Variants in EIF3B observed in about 807,000 individuals in gnomAD.
EIF3B encodes the protein eukaryotic translation initiation factor 3 subunit 9.
A neutral mutation model predicts 104.6 loss-of-function variants in EIF3B; 10 were observed. The observed-to-expected ratio is 0.10, with a 90% CI of 0.06 to 0.16. The LOEUF (loss-of-function observed/expected upper bound fraction) is 0.16, where lower values mean the gene tolerates loss of function less well. EIF3B is among the 10% of genes least tolerant of loss of function. The pLI is 1.00. For missense variants in EIF3B, 1,014 were observed against 1,087.9 expected (o/e 0.93, Z 0.96); for synonymous variants, 542 against 417.2 (o/e 1.30, Z -3.65).
chr7:2,377,189 A>G lies in EIF3B; in HGVS notation c.2154+114A>G, dbSNP rs141172593. 314 of 1,338,264 alleles carry G rather than the reference A, an allele frequency of 2.3e-4. No homozygotes were observed. The East Asian group carries it at 6.2e-3, about 26-fold the overall frequency. The allele number at this position is 1,338,264 out of a possible 1,614,324, so 82.9% of individuals were successfully genotyped here. A position where few individuals can be genotyped will look rare whatever the true frequency, so the allele number is the denominator to read the frequency against. ...GGTGACTGGGGGATAAAAACGTGAC[A>G]TTTGCAAGGATTCTTTGAAGAGACG... On this transcript the variant is annotated intron_variant, in intron 15 of 18. Coordinates refer to ENST00000360876, the MANE Select transcript of EIF3B (RefSeq NM_001037283.2).
intron 1 of EIF3B, among the ~76,000 whole-genome samples, chr7:2,358,227 G>A (rs1281251504): frequency 6.6e-6 from 1 of 152,104 alleles, no homozygotes. Context: ...GGGATTATAA[G>A]CATGTGCCAC....
At chr7:2,362,499 G>A (rs1198884129) in intron 2 of EIF3B, 146 bp from the exon 3 acceptor site, 12 of 935,166 alleles carry the variant, frequency 1.3e-5, no homozygotes, top group Admixed American at 2.5e-5. Context: ...TCTGTCCCCC[G>A]TGTGACTGCC....
At chr7:2,371,745 A>G (rs758244885) in intron 10 of EIF3B, 32 bp from the exon 11 acceptor site, 3 of 1,516,194 alleles carry the variant, frequency 2.0e-6, no homozygotes, top group Non-Finnish European at 2.8e-6. Context: ...CACTGTCCAG[A>G]ATGTCACCCC....
chr7:2,363,414 C>T (rs546276534), intron 4 of EIF3B, among the ~76,000 whole-genome samples: 35 of 150,604 alleles, frequency 2.3e-4, no homozygotes, highest in Non-Finnish European at 4.1e-4. Flanking sequence ...TTGAGGCTGC[C>T]GTGAGCTATG....
intron 16 of EIF3B, 99 bp downstream of exon 16, chr7:2,378,865 T>G: frequency 9.1e-7 from 1 of 1,096,316 alleles, no homozygotes; most frequent in Non-Finnish European, 1.4e-6. Flanking sequence ...CAGAGTTGCC[T>G]CTGCTCCGAA....
chr7:2,369,082 T>G (rs1183724664), intron 9 of EIF3B, among the ~76,000 whole-genome samples: 1 of 152,246 alleles, frequency 6.6e-6, no homozygotes, highest in Non-Finnish European at 1.5e-5. Context: ...TTTCCCCATT[T>G]GCACCTTAAT....
intron 9 of EIF3B, 193 bp downstream of exon 9, chr7:2,367,238 T>C: frequency 1.8e-6 from 1 of 550,448 alleles, no homozygotes; most frequent in Non-Finnish European, 3.2e-6. Flanking sequence ...ACCTCCCTCC[T>C]AGTGGACAGC....
chr7:2,363,508 G>A, intron 4 of EIF3B, 124 bp from the exon 5 acceptor site: 1 of 859,500 alleles, frequency 1.2e-6, no homozygotes, highest in East Asian at 2.7e-5. Flanking sequence ...CTTGACTTGA[G>A]GTTAGGGTGT....
chr7:2,364,562 G>A (rs1321880009), intron 6 of EIF3B, 33 bp downstream of exon 6: 3 of 1,588,768 alleles, frequency 1.9e-6, no homozygotes, highest in Middle Eastern at 1.8e-4. Flanking sequence ...GGGAGTCTAT[G>A]CATTTCACCC....
chr7:2,357,514 G>A (rs1393201600), intron 1 of EIF3B, among the ~76,000 whole-genome samples: 1 of 152,220 alleles, frequency 6.6e-6, no homozygotes, highest in African/African-American at 2.4e-5. Context: ...TGGAGTCCCT[G>A]TCTTGCTTTA....
chr7:2,355,338 A>G lies in EIF3B; in HGVS notation c.417A>G (p.Glu139=). ...ACGAGGGCAGAGCGGCCGAGGCCGAACCCCGGGCGCTGGAGAACGGCGACG... is the reference window on the plus strand; with the variant it reads ...ACGAGGGCAGAGCGGCCGAGGCCGAGCCCCGGGCGCTGGAGAACGGCGACG... ...GGNEGRAAEA[E]PRALENGDAD... The change falls in exon 1 of 19, where the codon GAA becomes GAG. Residue 139 remains glutamate (E), a synonymous_variant. Coordinates refer to ENST00000360876, the MANE Select transcript of EIF3B (RefSeq NM_001037283.2). 1 of 1,540,982 alleles carries G rather than the reference A, an allele frequency of 6.5e-7. No homozygotes were observed. The highest frequency in any genetic ancestry group is 8.7e-7 in the Non-Finnish European group (1 of 1,150,772).
chr7:2,366,794 G>A (rs1780051316), intron 8 of EIF3B: 1 of 797,762 alleles, frequency 1.3e-6, no homozygotes, highest in Non-Finnish European at 2.0e-6. Context: ...GCCGTGGGAA[G>A]TCCTGGATGG....
At position 2,366,317 on chromosome 7, in the gene EIF3B, G is replaced by A. The variant is rs147656962; in HGVS notation, c.1158G>A (p.Arg386=). Residue 386 remains arginine (R), a splice_region_variant and synonymous_variant, in exon 7 of 19, where the codon AGG becomes AGA. Coordinates refer to ENST00000360876, the MANE Select transcript of EIF3B (RefSeq NM_001037283.2). ...GTACAGTGTTGCCCTTCTCTTCTAG[G>A]TACCTGGTGACCTTTAGCCCCCTGA... ...VQLIDFSPCE[R]YLVTFSPLMD... 2,346 of 1,603,362 alleles carry A rather than the reference G, an allele frequency of 1.5e-3. 42 individuals are homozygous for A. The South Asian group carries it at 0.019, about 13-fold the overall frequency.
intron 5 of EIF3B, 113 bp from the exon 6 acceptor site, chr7:2,364,259 C>CAAA: frequency 6.0e-6 from 5 of 830,444 alleles, no homozygotes; most frequent in Non-Finnish European, 6.9e-6. Flanking sequence ...GACTCCGTCT[C>CAAA]AAAAAAAAAA....
intron 1 of EIF3B, among the ~76,000 whole-genome samples, chr7:2,359,413 A>G (rs1250946975): frequency 6.6e-6 from 1 of 152,062 alleles, no homozygotes; most frequent in Non-Finnish European, 1.5e-5. Flanking sequence ...ACGCCTCTAT[A>G]ATGAGATCTT....
At chr7:2,367,101 C>CAAA in intron 9 of EIF3B, 56 bp downstream of exon 9, 1 of 864,390 alleles carries the variant, frequency 1.2e-6, no homozygotes, top group Non-Finnish European at 1.5e-6. Context: ...TAACACAATA[C>CAAA]CAAAAAAAAA....
intron 6 of EIF3B, among the ~76,000 whole-genome samples, chr7:2,365,229 C>T (rs1779941355): frequency 6.6e-6 from 1 of 152,192 alleles, no homozygotes. Context: ...GGATTACAGG[C>T]GTGAGCCACC....
chr7:2,355,875 T>C (rs1779398864), intron 1 of EIF3B, among the ~76,000 whole-genome samples: 1 of 152,184 alleles, frequency 6.6e-6, no homozygotes, highest in Non-Finnish European at 1.5e-5. Context: ...GCCGGTGATT[T>C]TGTCCTCCTG....
In EIF3B at chr7:2,376,935, C is replaced by T; in HGVS notation, c.2029-15C>T. On this transcript the variant is annotated splice_polypyrimidine_tract_variant and intron_variant, in intron 14 of 18. Coordinates refer to ENST00000360876, the MANE Select transcript of EIF3B (RefSeq NM_001037283.2). ...TGACCCCTCTGTGTCCTGGTGTGTC[C>T]CTGCCCTGGCCTAGGTGGACAACGC... The T allele has an allele frequency of 6.2e-7, 1 of 1,611,866 alleles. No individual in the cohort carries two copies. Among genetic ancestry groups the T allele is most frequent in the Non-Finnish European group, 8.5e-7 (1 of 1,178,636 alleles).
Sources: allele counts gnomAD v4.1 joint callset (sites outside exome capture counted in the v4.1 genomes callset), GRCh38; gene constraint gnomAD v4.1.1; transcripts MANE v1.5; gene names NCBI Gene and HGNC (gene_info 2026-07-23, HGNC 2026-07-21).